Variants in OCIAD1 observed in about 807,000 individuals in gnomAD.
OCIAD1 encodes the protein OCIA domain containing 1.
A neutral mutation model predicts 38.9 loss-of-function variants in OCIAD1; 29 were observed. That is an observed-to-expected ratio of 0.74 (90% CI 0.55 to 1.02). OCIAD1 has a LOEUF of 1.02. OCIAD1 is among the 50% of genes least tolerant of loss of function. The pLI, the probability that OCIAD1 is intolerant of heterozygous loss-of-function variation, is 0.00. For missense variants in OCIAD1, 288 were observed against 289.6 expected (o/e 0.99, Z 0.04); for synonymous variants, 110 against 92.0 (o/e 1.20, Z -1.12).
chr4:48,860,603 C>A, intron 8 of OCIAD1, 122 bp from the exon 9 acceptor site: 2 of 775,968 alleles, frequency 2.6e-6, no homozygotes, highest in Admixed American at 2.4e-5. Context: ...TATAATTTGA[C>A]TCTCATGTGC....
intron 4 of OCIAD1, among the ~76,000 whole-genome samples, chr4:48,844,628 A>G (rs573469825): frequency 1.4e-4 from 22 of 152,190 alleles, no homozygotes; most frequent in African/African-American, 5.3e-4. Context: ...AAAAAAGGTA[A>G]AAATTGAGAG....
intron 7 of OCIAD1, 136 bp from the exon 8 acceptor site, chr4:48,857,077 T>A: frequency 4.7e-6 from 2 of 421,842 alleles, no homozygotes; most frequent in Non-Finnish European, 4.2e-6. Context: ...ATAGTACCTG[T>A]GAAATGGTGG....
Position 48,854,838 on chromosome 4 carries a change from G to C in OCIAD1, c.548-2375G>C, listed in dbSNP as rs531902277. ...TTGGTTTAAGTCCTACTTTAGTTCT[G>C]CTTTCTTTTACCAGGAATTCAGAGA... is the stretch of plus-strand genomic sequence containing the variant. On this transcript the variant is annotated intron_variant, in intron 7 of 8. Coordinates refer to ENST00000264312, the MANE Select transcript of OCIAD1 (RefSeq NM_017830.4). Among the ~76,000 whole-genome samples the C allele has an allele frequency of 2.6e-5, 4 of 152,266 alleles. No individual in the cohort carries two copies. The East Asian group carries it at 5.8e-4, about 22-fold the overall frequency.
At chr4:48,853,837 G>A (rs1229198308) in intron 7 of OCIAD1, among the ~76,000 whole-genome samples, 1 of 152,150 alleles carries the variant, frequency 6.6e-6, no homozygotes, top group Non-Finnish European at 1.5e-5. Flanking sequence ...GGGGCAAAGG[G>A]GTGAGTATTA....
intron 2 of OCIAD1, 65 bp downstream of exon 2, chr4:48,832,747 G>T: frequency 8.4e-7 from 1 of 1,192,756 alleles, no homozygotes; most frequent in South Asian, 1.2e-5. Context: ...TCACTGCCTT[G>T]AGTAACAGTG....
At chr4:48,840,409 C>A (rs540264275) in intron 3 of OCIAD1, among the ~76,000 whole-genome samples, 1 of 152,182 alleles carries the variant, frequency 6.6e-6, no homozygotes, top group Non-Finnish European at 1.5e-5. Flanking sequence ...TGCATGAAGG[C>A]ATTCTAACTA....
At chr4:48,841,133 G>A (rs1318487810) in intron 3 of OCIAD1, among the ~76,000 whole-genome samples, 1 of 152,194 alleles carries the variant, frequency 6.6e-6, no homozygotes, top group East Asian at 1.9e-4. Flanking sequence ...TTGGAACACA[G>A]CTACGTTCAT....
intron 8 of OCIAD1, 137 bp downstream of exon 8, chr4:48,857,502 A>G (rs1780155886): frequency 2.0e-6 from 1 of 502,750 alleles, no homozygotes; most frequent in South Asian, 6.2e-5. Context: ...TATTTTTAAA[A>G]TAGTACTTTA....
upstream of OCIAD1, among the ~76,000 whole-genome samples, chr4:48,826,727 A>G (rs1466954311): frequency 6.6e-6 from 1 of 152,184 alleles, no homozygotes; most frequent in East Asian, 1.9e-4. Flanking sequence ...AAAAGCAAAA[A>G]CCCAAAACAA....
At chr4:48,818,355 C>A (rs190895203) in intron 1 of OCIAD1, among the ~76,000 whole-genome samples, 1 of 152,186 alleles carries the variant, frequency 6.6e-6, no homozygotes, top group African/African-American at 2.4e-5. Context: ...GAAAAACTAA[C>A]GAACAGAAAG....
Position 48,809,494 on chromosome 4 carries a change from C to G in OCIAD1, c.-103+4164C>G, listed in dbSNP as rs183180302. Among the ~76,000 whole-genome samples the G allele has an allele frequency of 4.5e-3, 685 of 152,118 alleles. 9 individuals are homozygous for G. Among genetic ancestry groups the G allele is most frequent in the African/African-American group, 0.015 (617 of 41,486 alleles). On this transcript the variant is annotated intron_variant, in intron 1 of 6. Transcript: ENST00000504654. ...TGAGTCAAGATTGCGCCACTGCACT[C>G]TGGCCTGGGTGACAGAGTGAGACTC...
chr4:48,813,409 C>T (rs1777110566), intron 1 of OCIAD1, among the ~76,000 whole-genome samples: 1 of 152,166 alleles, frequency 6.6e-6, no homozygotes, highest in South Asian at 2.1e-4. Flanking sequence ...ATCCCAGCTC[C>T]TTGGGAGGCG....
In OCIAD1 at chr4:48,833,402, C is replaced by T; in HGVS notation, c.60C>T (p.His20=). 6.4e-7 allele frequency: 1 copy of T among 1,568,876 alleles called. No individual in the cohort carries two copies. The change falls in exon 3 of 9, where the codon CAC becomes CAT. Residue 20 remains histidine, a splice_region_variant and synonymous_variant. Coordinates refer to ENST00000264312, the MANE Select transcript of OCIAD1 (RefSeq NM_017830.4). ...PNAEVPRPIP[H]IGPDYIPTEE... The stretch of plus-strand genomic sequence containing the variant: ...TTTCTGATTTTCCCTGGTAAAAAGA[C>T]ATAGGGCCTGATTACATTCCAACAG...
chr4:48,820,560 A>G (rs1460859339), intron 1 of OCIAD1, among the ~76,000 whole-genome samples: 1 of 152,218 alleles, frequency 6.6e-6, no homozygotes, highest in Admixed American at 6.5e-5. Flanking sequence ...TCAGAGCAGA[A>G]CTGAAGGAGA....
At chr4:48,824,785 G>C (rs1244789106) in intron 1 of OCIAD1, among the ~76,000 whole-genome samples, 4 of 152,164 alleles carry the variant, frequency 2.6e-5, no homozygotes, top group Non-Finnish European at 5.9e-5. Context: ...GTTCAGGCTG[G>C]AGTGCAGTGG....
At position 48,832,798 on chromosome 4, in the gene OCIAD1, C is replaced by CA. The variant is rs1553896147; in HGVS notation, c.58+117dup. ...TCATGGGCATGTGCAGACAGCGCCC[C>CA]ATACTTGGTTTCATGTTCTAGTCTT... On this transcript the variant is annotated intron_variant, in intron 2 of 8. Coordinates refer to ENST00000264312, the MANE Select transcript of OCIAD1 (RefSeq NM_017830.4). The CA allele has an allele frequency of 1.3e-5, 10 of 744,712 alleles. No homozygotes were observed. The African/African-American group carries it at 1.7e-4, about 13-fold the overall frequency. The allele number at this position is 744,712 out of a possible 1,614,324, so 46.1% of individuals were successfully genotyped here. A position where few individuals can be genotyped will look rare whatever the true frequency, so the allele number is the denominator to read the frequency against.
At chr4:48,815,288 G>C (rs570751157) in intron 1 of OCIAD1, among the ~76,000 whole-genome samples, 7 of 152,042 alleles carry the variant, frequency 4.6e-5, no homozygotes, top group Non-Finnish European at 8.8e-5. Context: ...CCAGCCCGGG[G>C]AACAGTGTGA....
At chr4:48,840,387 G>A (rs1359264245) in intron 3 of OCIAD1, among the ~76,000 whole-genome samples, 1 of 152,196 alleles carries the variant, frequency 6.6e-6, no homozygotes, top group Non-Finnish European at 1.5e-5. Flanking sequence ...AACCTTAAAT[G>A]ATAAATGATA....
rs182091537 is a variant in OCIAD1 at position 48,832,178 on chromosome 4, T to G, written c.-5-442T>G. 7.9e-5 allele frequency among the ~76,000 whole-genome samples: 12 copies of G among 152,326 alleles called. No homozygotes were observed. In the East Asian group the frequency reaches 2.1e-3, roughly 27 times the overall value. On this transcript the variant is annotated intron_variant, in intron 1 of 8. Transcript: ENST00000264312. The stretch of plus-strand genomic sequence containing the variant: ...AGAGGTTGAATGTTTCTGATGATTA[T>G]TTCATTTTTTAATATGGAAGCTCAG...
Sources: gnomAD v4.1 joint callset for allele counts (sites outside exome capture counted in the v4.1 genomes callset) on GRCh38, gnomAD v4.1.1 for gene constraint, MANE v1.5 for transcripts, NCBI Gene and HGNC (gene_info 2026-07-23, HGNC 2026-07-21) for gene names.